SNTB2: variants seen among roughly 807,000 people sequenced by gnomAD.
The protein encoded by SNTB2 is beta-2-syntrophin.
SNTB2 carries 34 observed loss-of-function variants against 46.2 expected under a neutral mutation model. That is an observed-to-expected ratio of 0.74 (90% confidence interval 0.56 to 0.98). The LOEUF is 0.98. Ranked by LOEUF, SNTB2 falls within the 50% of genes least tolerant of loss-of-function variation. The probability of loss-of-function intolerance (pLI) is 0.00; values close to 1 mark genes in which losing one functional copy is unlikely to be tolerated. For missense variants in SNTB2, 603 were observed against 731.4 expected (o/e 0.82, Z 2.02); for synonymous variants, 290 against 312.6 (o/e 0.93, Z 0.76).
chr16:69,298,086 A>T (rs1965244895), intron 5 of SNTB2, among the ~76,000 whole-genome samples: 2 of 152,034 alleles, frequency 1.3e-5, no homozygotes, highest in African/African-American at 4.8e-5. Context: ...CTATAGGCAC[A>T]CACCACCATG....
intron 1 of SNTB2, among the ~76,000 whole-genome samples, chr16:69,214,062 A>C (rs372800615): frequency 3.0e-5 from 4 of 134,882 alleles, no homozygotes; most frequent in African/African-American, 1.1e-4. Context: ...TGACCTCGTG[A>C]TCCACCCGCC....
At chr16:69,295,895 T>C (rs1469218487) in intron 5 of SNTB2, among the ~76,000 whole-genome samples, 3 of 152,220 alleles carry the variant, frequency 2.0e-5, no homozygotes, top group Non-Finnish European at 2.9e-5. Context: ...ACTCAATGTT[T>C]AGAGAAAAAC....
At chr16:69,298,765 G>A (rs1313748890) in intron 5 of SNTB2, among the ~76,000 whole-genome samples, 1 of 151,746 alleles carries the variant, frequency 6.6e-6, no homozygotes, top group African/African-American at 2.4e-5. Flanking sequence ...CAAGTGATCC[G>A]CCCACCTCGA....
intron 1 of SNTB2, among the ~76,000 whole-genome samples, chr16:69,204,531 C>T (rs1964195595): frequency 6.6e-6 from 1 of 152,284 alleles, no homozygotes; most frequent in South Asian, 2.1e-4. Context: ...TAAATTCTTT[C>T]AGAATCACAA....
chr16:69,258,706 G>A (rs1000054113), intron 2 of SNTB2, among the ~76,000 whole-genome samples: 18 of 150,558 alleles, frequency 1.2e-4, no homozygotes, highest in Admixed American at 5.3e-4. Flanking sequence ...CCAGCTCCTG[G>A]GTTCAAGCAA....
chr16:69,295,531 A>G (rs923241141), intron 5 of SNTB2, among the ~76,000 whole-genome samples: 5 of 152,056 alleles, frequency 3.3e-5, no homozygotes, highest in Non-Finnish European at 7.4e-5. Context: ...TACAGGCGTG[A>G]GCCACCGCGC....
rs115754009 is a variant in SNTB2 at position 69,242,620 on chromosome 16, C to G, written c.581-2982C>G. ...ATTAAGTTCCTTCCAGACATCTTTA[C>G]AGGTACATGTGTGCAGTACATGTAT... On this transcript the variant is annotated intron_variant, in intron 1 of 6. Transcript: ENST00000336278. Among the ~76,000 whole-genome samples, 734 of 152,208 alleles carry G rather than the reference C, an allele frequency of 4.8e-3. 3 individuals carry two copies. Among genetic ancestry groups the G allele is most frequent in the African/African-American group, 0.017 (716 of 41,522 alleles).
intron 5 of SNTB2, among the ~76,000 whole-genome samples, chr16:69,288,292 G>A (rs941300406): frequency 2.6e-5 from 4 of 152,158 alleles, no homozygotes; most frequent in East Asian, 1.9e-4. Flanking sequence ...TCATTTTTCA[G>A]GTTAAAGCTT....
intron 5 of SNTB2, among the ~76,000 whole-genome samples, chr16:69,291,438 G>A (rs1054641010): frequency 1.1e-4 from 17 of 152,268 alleles, no homozygotes; most frequent in African/African-American, 3.1e-4. Context: ...TTGGCCCAGC[G>A]CTGTGGCTTA....
intron 1 of SNTB2, among the ~76,000 whole-genome samples, chr16:69,203,253 G>A (rs1163221628): frequency 6.6e-6 from 1 of 151,280 alleles, no homozygotes; most frequent in African/African-American, 2.4e-5. Context: ...CCTGACCTCA[G>A]GTGATCTGCC....
intron 1 of SNTB2, among the ~76,000 whole-genome samples, chr16:69,197,617 T>C (rs1964117491): frequency 6.6e-6 from 1 of 152,258 alleles, no homozygotes; most frequent in South Asian, 2.1e-4. Flanking sequence ...GATATATTAC[T>C]ATGTTATTTT....
chr16:69,237,179 A>G (rs1964566910), intron 1 of SNTB2, among the ~76,000 whole-genome samples: 1 of 152,198 alleles, frequency 6.6e-6, no homozygotes, highest in Admixed American at 6.5e-5. Context: ...GACAGGGATG[A>G]GAGGATAAAG....
intron 1 of SNTB2, among the ~76,000 whole-genome samples, chr16:69,205,406 G>T (rs1380721857): frequency 1.3e-5 from 2 of 150,776 alleles, no homozygotes; most frequent in Admixed American, 6.6e-5. Context: ...CACCACGTTG[G>T]CCAGGCTGGT....
In SNTB2 at chr16:69,207,365, C is replaced by T. The variant is rs139609391; in HGVS notation, c.580+19619C>T. Among the ~76,000 whole-genome samples the T allele has an allele frequency of 7.2e-3, 1,087 of 151,862 alleles. 10 individuals carry two copies. Among genetic ancestry groups the T allele is most frequent in the African/African-American group, 0.025 (1,028 of 41,450 alleles). The stretch of plus-strand genomic sequence containing the variant: ...GAGATGGCGTTTCACTATACGTTGG[C>T]CAGGCTGGTTTCGAACTCCTGACCT... On this transcript the variant is annotated intron_variant, in intron 1 of 6. Transcript: ENST00000336278.
Position 69,260,044 on chromosome 16 carries a change from A to G in SNTB2, c.795-6A>G. ...CTCACTTTTTTTTTTTTCTTTTTCC[A>G]CACAGATTGATAGAGCTACATTCTC... On this transcript the variant is annotated splice_polypyrimidine_tract_variant and splice_region_variant and intron_variant, in intron 2 of 6. Transcript: ENST00000336278. The G allele has an allele frequency of 1.2e-6, 2 of 1,607,740 alleles. No individual in the cohort carries two copies. Among genetic ancestry groups the G allele is most frequent in the Non-Finnish European group, 1.7e-6 (2 of 1,176,964 alleles).
chr16:69,210,019 A>ATTTTTTTTTTTTTT (rs137973730), intron 1 of SNTB2, among the ~76,000 whole-genome samples: 3 of 122,152 alleles, frequency 2.5e-5, no homozygotes, highest in Non-Finnish European at 3.5e-5. Context: ...TTGTTATTTA[A>ATTTTTTTTTTTTTT]TTTTTTTTTT....
intron 1 of SNTB2, among the ~76,000 whole-genome samples, chr16:69,229,136 ATTACT>A (rs1964483432): frequency 6.6e-6 from 1 of 152,116 alleles, no homozygotes; most frequent in Non-Finnish European, 1.5e-5. Context: ...TATTTCTGAA[ATTACT>A]TTTCTAATAA....
chr16:69,299,792 A>G lies in SNTB2; in HGVS notation c.1530+18A>G. On this transcript the variant is annotated intron_variant, in intron 6 of 6. Coordinates refer to ENST00000336278, the MANE Select transcript of SNTB2 (RefSeq NM_006750.4). ...GAGAACTGGTAAGAGTGTTTCTGAA[A>G]CACATGTTTATCTAATAGATGTTCT... 6.2e-7 allele frequency: 1 copy of G among 1,610,338 alleles called. No homozygotes were observed.
At chr16:69,269,374 G>A (rs2143116543) in intron 3 of SNTB2, among the ~76,000 whole-genome samples, 1 of 151,784 alleles carries the variant, frequency 6.6e-6, no homozygotes, top group East Asian at 1.9e-4. Flanking sequence ...AAAGTTAGCT[G>A]GGCGTGGTGG....
Sources: allele counts gnomAD v4.1 joint callset (sites outside exome capture counted in the v4.1 genomes callset), GRCh38; gene constraint gnomAD v4.1.1; transcripts MANE v1.5; gene names NCBI Gene and HGNC (gene_info 2026-07-23, HGNC 2026-07-21).